PITPNC1: variants seen among roughly 807,000 people sequenced by gnomAD.
The protein encoded by PITPNC1 is phosphatidylinositol transfer protein cytoplasmic 1, also known as cytoplasmic phosphatidylinositol transfer protein 1.
PITPNC1 carries 18 observed loss-of-function variants against 44.7 expected under a neutral mutation model. That is an observed-to-expected ratio of 0.40 (90% CI 0.28 to 0.60). PITPNC1 has a LOEUF of 0.60. Among genes scored for constraint, PITPNC1 ranks in the 20% least tolerant of loss-of-function variants. PITPNC1 has a pLI of 0.39. For synonymous variants in PITPNC1, 141 were observed against 149.6 expected, an observed-to-expected ratio of 0.94 and a Z score of 0.42; for missense variants, 290 against 418.4, an observed-to-expected ratio of 0.69 and a Z score of 2.68.
At chr17:67,675,345 A>G in intron 7 of PITPNC1, 134 bp from the exon 8 acceptor site, 4 of 685,742 alleles carry the variant, frequency 5.8e-6, no homozygotes, top group Admixed American at 4.8e-5. Context: ...GGCAGCCTGT[A>G]ATTGTCATCA....
chr17:67,465,036 G>A (rs1428603404), intron 1 of PITPNC1, among the ~76,000 whole-genome samples: 3 of 152,220 alleles, frequency 2.0e-5, no homozygotes, highest in Admixed American at 1.3e-4. Context: ...ACCACACCCG[G>A]CCACAACTCT....
At chr17:67,515,186 C>T (rs1282418985) in intron 1 of PITPNC1, among the ~76,000 whole-genome samples, 1 of 152,166 alleles carries the variant, frequency 6.6e-6, no homozygotes, top group Non-Finnish European at 1.5e-5. Context: ...TACAATATGT[C>T]AGTATGCAAA....
intron 5 of PITPNC1, among the ~76,000 whole-genome samples, chr17:67,581,481 A>G (rs1298298711): frequency 6.6e-6 from 1 of 152,108 alleles, no homozygotes; most frequent in Non-Finnish European, 1.5e-5. Context: ...ATGGCACCCA[A>G]CTTGCCCAAG....
chr17:67,653,252 C>T (rs976435463), intron 6 of PITPNC1, among the ~76,000 whole-genome samples: 1 of 151,944 alleles, frequency 6.6e-6, no homozygotes, highest in African/African-American at 2.4e-5. Flanking sequence ...GCCTGGGTGA[C>T]ACAGCAAGAC....
intron 1 of PITPNC1, among the ~76,000 whole-genome samples, chr17:67,487,955 G>A (rs531955750): frequency 3.9e-5 from 6 of 152,154 alleles, no homozygotes; most frequent in African/African-American, 1.4e-4. Flanking sequence ...GAGAAGCTAC[G>A]ATTTTTTCTT....
At chr17:67,443,278 C>T (rs1358928035) in intron 1 of PITPNC1, among the ~76,000 whole-genome samples, 1 of 152,000 alleles carries the variant, frequency 6.6e-6, no homozygotes, top group Non-Finnish European at 1.5e-5. Flanking sequence ...TCTCCAAGCC[C>T]CTTCACCTAA....
At chr17:67,473,495 AT>A (rs1278474917) in intron 1 of PITPNC1, among the ~76,000 whole-genome samples, 1 of 151,300 alleles carries the variant, frequency 6.6e-6, no homozygotes, top group African/African-American at 2.4e-5. Context: ...CATCCGGCTA[AT>A]TTTTTTGTAT....
chr17:67,488,382 G>T (rs746551253), intron 1 of PITPNC1, among the ~76,000 whole-genome samples: 1 of 152,124 alleles, frequency 6.6e-6, no homozygotes, highest in African/African-American at 2.4e-5. Flanking sequence ...CCTGTGCCCC[G>T]GGGGAGTTAC....
At chr17:67,511,047 C>T (rs2040178255) in intron 1 of PITPNC1, among the ~76,000 whole-genome samples, 1 of 152,032 alleles carries the variant, frequency 6.6e-6, no homozygotes, top group East Asian at 1.9e-4. Flanking sequence ...TTTTCTTTTT[C>T]TATTCATATA....
intron 1 of PITPNC1, among the ~76,000 whole-genome samples, chr17:67,436,384 A>G (rs376822325): frequency 6.6e-6 from 1 of 152,122 alleles, no homozygotes; most frequent in African/African-American, 2.4e-5. Context: ...CTAAGCGACA[A>G]TCTGAGAGAC....
At chr17:67,651,377 C>T (rs1217450287) in intron 6 of PITPNC1, among the ~76,000 whole-genome samples, 2 of 151,994 alleles carry the variant, frequency 1.3e-5, no homozygotes, top group Non-Finnish European at 2.9e-5. Flanking sequence ...GCCGGGTGTG[C>T]TGGCACGTGC....
At chr17:67,575,614 G>A (rs989558199) in intron 4 of PITPNC1, among the ~76,000 whole-genome samples, 2 of 152,036 alleles carry the variant, frequency 1.3e-5, no homozygotes, top group African/African-American at 4.8e-5. Flanking sequence ...AAAGGGGAGC[G>A]TGGTCATTGT....
In PITPNC1 at chr17:67,478,650, G is replaced by T. The variant is rs144397277; in HGVS notation, c.49-54152G>T. 1.1e-3 allele frequency among the ~76,000 whole-genome samples: 163 copies of T among 152,170 alleles called. No homozygotes were observed. The East Asian group carries it at 0.027, about 26-fold the overall frequency. On this transcript the variant is annotated intron_variant, in intron 1 of 8. Transcript: ENST00000581322. Reference sequence around the variant, plus strand: ...AACTTTGAAAAAACAAGGGAGGCTTGTCCCCATTGGTGAAATCCCTTGAAA... The same window carrying T: ...AACTTTGAAAAAACAAGGGAGGCTTTTCCCCATTGGTGAAATCCCTTGAAA...
chr17:67,449,710 G>A (rs570557888), intron 1 of PITPNC1, among the ~76,000 whole-genome samples: 5 of 152,298 alleles, frequency 3.3e-5, no homozygotes, highest in East Asian at 3.9e-4. Context: ...AGGACAAAAA[G>A]TTGTCATATA....
chr17:67,473,585 G>A (rs1484272880), intron 1 of PITPNC1, among the ~76,000 whole-genome samples: 1 of 152,124 alleles, frequency 6.6e-6, no homozygotes, highest in Non-Finnish European at 1.5e-5. Context: ...TTACAGGTGT[G>A]AGCCACCGCC....
intron 5 of PITPNC1, among the ~76,000 whole-genome samples, chr17:67,598,602 C>A (rs571897085): frequency 8.5e-5 from 13 of 152,230 alleles, no homozygotes; most frequent in Admixed American, 2.0e-4. Flanking sequence ...CTAGAAGTTG[C>A]TATCTGCCCA....
At chr17:67,453,702 T>C (rs1249260551) in intron 1 of PITPNC1, among the ~76,000 whole-genome samples, 2 of 152,182 alleles carry the variant, frequency 1.3e-5, no homozygotes, top group Non-Finnish European at 2.9e-5. Context: ...CCAAACATAG[T>C]AATGGGGTAC....
intron 6 of PITPNC1, among the ~76,000 whole-genome samples, chr17:67,642,547 G>C (rs2042103250): frequency 6.6e-6 from 1 of 152,154 alleles, no homozygotes; most frequent in South Asian, 2.1e-4. Context: ...TTAAACAGTA[G>C]TCCAGTTCTC....
intron 1 of PITPNC1, among the ~76,000 whole-genome samples, chr17:67,531,751 C>A (rs536974964): frequency 6.6e-6 from 1 of 152,308 alleles, no homozygotes; most frequent in South Asian, 2.1e-4. Flanking sequence ...CAGACTCAGG[C>A]CCCACTCCCC....
Sources: allele counts gnomAD v4.1 joint callset (sites outside exome capture counted in the v4.1 genomes callset), GRCh38; gene constraint gnomAD v4.1.1; transcripts MANE v1.5; gene names NCBI Gene and HGNC (gene_info 2026-07-23, HGNC 2026-07-21).